Variants in FGGY observed in about 807,000 individuals in gnomAD.
FGGY encodes the protein FGGY carbohydrate kinase domain containing.
In FGGY, 72 loss-of-function variants were observed where a neutral mutation model predicts 71.3. The observed-to-expected ratio is 1.01, with a 90% CI of 0.84 to 1.23. FGGY has a LOEUF of 1.23. Ranked by LOEUF, FGGY falls within the 50% of genes most tolerant of loss-of-function variation. FGGY has a pLI of 0.00. For missense variants in FGGY, 668 were observed against 682.3 expected (o/e 0.98, Z 0.23); for synonymous variants, 251 against 250.3 (o/e 1.00, Z -0.02).
intron 6 of FGGY, among the ~76,000 whole-genome samples, chr1:59,464,599 A>T (rs899785031): frequency 6.6e-6 from 1 of 152,204 alleles, no homozygotes; most frequent in African/African-American, 2.4e-5. Context: ...TTTTGAAAAG[A>T]TCAACAAAAT....
chr1:59,436,439 TTTGTAATTTA>T (rs2068494041), intron 5 of FGGY, among the ~76,000 whole-genome samples: 7 of 152,334 alleles, frequency 4.6e-5, no homozygotes, highest in Middle Eastern at 6.8e-3. Context: ...TATAGTTATT[TTTGTAATTTA>T]TTGTCTTTTC....
chr1:59,377,516 A>G (rs898121419), intron 4 of FGGY, among the ~76,000 whole-genome samples: 2 of 152,198 alleles, frequency 1.3e-5, no homozygotes, highest in Non-Finnish European at 2.9e-5. Flanking sequence ...CACTCCCATG[A>G]TTCAATTACC....
chr1:59,523,222 C>A (rs751240028), intron 7 of FGGY, among the ~76,000 whole-genome samples: 1 of 152,192 alleles, frequency 6.6e-6, no homozygotes, highest in Non-Finnish European at 1.5e-5. Flanking sequence ...ATTGCACTTG[C>A]GTCACTGGCT....
intron 5 of FGGY, among the ~76,000 whole-genome samples, chr1:59,422,288 T>C (rs56186927): frequency 0.17 from 26,131 of 152,188 alleles, 2,725 homozygotes; most frequent in East Asian, 0.36. Flanking sequence ...CAATGCCTTT[T>C]AATAGATTCA....
At chr1:59,713,361 G>A (rs113017684) in intron 14 of FGGY, among the ~76,000 whole-genome samples, 9,812 of 152,114 alleles carry the variant, frequency 0.065, 374 homozygotes, top group Non-Finnish European at 0.093. Context: ...TTCCAAAGCC[G>A]CTTCCACATT....
intron 6 of FGGY, among the ~76,000 whole-genome samples, chr1:59,506,619 C>T (rs531675523): frequency 1.2e-4 from 19 of 152,206 alleles, no homozygotes; most frequent in South Asian, 6.2e-4. Context: ...GCCAACATGG[C>T]GAAACCCTGT....
At chr1:59,394,936 G>A (rs2061149432) in intron 5 of FGGY, among the ~76,000 whole-genome samples, 1 of 151,834 alleles carries the variant, frequency 6.6e-6, no homozygotes, top group African/African-American at 2.4e-5. Flanking sequence ...ATGTCTTCTT[G>A]ACTTTGCACG....
At chr1:59,548,043 A>G (rs1558308934) in intron 7 of FGGY, among the ~76,000 whole-genome samples, 2 of 152,250 alleles carry the variant, frequency 1.3e-5, no homozygotes, top group Non-Finnish European at 2.9e-5. Flanking sequence ...CTAAAGTTAC[A>G]GTGACAGAAT....
chr1:59,379,941 C>G (rs533780872), intron 5 of FGGY, among the ~76,000 whole-genome samples: 1 of 152,002 alleles, frequency 6.6e-6, no homozygotes, highest in Admixed American at 6.6e-5. Context: ...TAATGCTATC[C>G]CCCGCCTCCC....
chr1:59,489,245 C>T (rs2093751227), intron 6 of FGGY, among the ~76,000 whole-genome samples: 1 of 151,982 alleles, frequency 6.6e-6, no homozygotes, highest in Admixed American at 6.6e-5. Context: ...TCAATATCCT[C>T]CTAGGTATTT....
chr1:59,370,998 C>T (rs2057518049), intron 4 of FGGY, among the ~76,000 whole-genome samples: 1 of 151,704 alleles, frequency 6.6e-6, no homozygotes, highest in African/African-American at 2.4e-5. Context: ...ACTGCATCAA[C>T]TAACGAGCAA....
At chr1:59,490,051 T>A (rs1344968628) in intron 6 of FGGY, among the ~76,000 whole-genome samples, 3 of 152,192 alleles carry the variant, frequency 2.0e-5, no homozygotes, top group East Asian at 1.9e-4. Flanking sequence ...TTGCCTTTTT[T>A]AAAAAATTTA....
At chr1:59,500,615 C>T (rs2094193017) in intron 6 of FGGY, among the ~76,000 whole-genome samples, 1 of 144,478 alleles carries the variant, frequency 6.9e-6, no homozygotes, top group Admixed American at 7.1e-5. Context: ...CTCAGATTAT[C>T]CTGACTTCTA....
intron 5 of FGGY, among the ~76,000 whole-genome samples, chr1:59,437,256 G>A (rs1018231784): frequency 6.6e-6 from 1 of 152,192 alleles, no homozygotes; most frequent in African/African-American, 2.4e-5. Flanking sequence ...TGCTAGATTG[G>A]TGTTTGGGAG....
chr1:59,639,116 A>G (rs1220167999), intron 11 of FGGY, among the ~76,000 whole-genome samples: 2 of 152,188 alleles, frequency 1.3e-5, no homozygotes, highest in Non-Finnish European at 2.9e-5. Flanking sequence ...AACCAGGAAA[A>G]TGTCATGAAG....
intron 14 of FGGY, among the ~76,000 whole-genome samples, chr1:59,729,908 G>A (rs753517867): frequency 6.6e-6 from 1 of 151,980 alleles, no homozygotes; most frequent in Non-Finnish European, 1.5e-5. Context: ...CTCTTAAAAG[G>A]TCTTTATTAT....
intron 1 of FGGY, among the ~76,000 whole-genome samples, chr1:59,319,443 T>C (rs1173028041): frequency 6.6e-6 from 1 of 152,012 alleles, no homozygotes; most frequent in African/African-American, 2.4e-5. Flanking sequence ...GAAAGAAAAA[T>C]AAAATTGTGA....
intron 15 of FGGY, among the ~76,000 whole-genome samples, chr1:59,760,495 C>G (rs777627372): frequency 6.6e-6 from 1 of 152,186 alleles, no homozygotes; most frequent in South Asian, 2.1e-4. Flanking sequence ...TTTCTACATT[C>G]ATGTTCACAG....
chr1:59,356,040 GT>G (rs2054250120), intron 4 of FGGY, among the ~76,000 whole-genome samples: 2 of 151,962 alleles, frequency 1.3e-5, no homozygotes, highest in South Asian at 4.2e-4. Flanking sequence ...GCAATACAGG[GT>G]CCACACTTCC....
Sources: allele counts gnomAD v4.1 joint callset (sites outside exome capture counted in the v4.1 genomes callset), GRCh38; gene constraint gnomAD v4.1.1; transcripts MANE v1.5; gene names NCBI Gene and HGNC (gene_info 2026-07-23, HGNC 2026-07-21).